GATA4: variants seen among roughly 807,000 people sequenced by gnomAD.
GATA4 encodes the protein transcription factor GATA-4.
In GATA4, 7 loss-of-function variants were observed where a neutral mutation model predicts 37.9. That is an observed-to-expected ratio of 0.18 (90% CI 0.11 to 0.35). The LOEUF is 0.35. Among genes scored for constraint, GATA4 ranks in the 10% least tolerant of loss-of-function variants. The pLI, the probability that GATA4 is intolerant of heterozygous loss-of-function variation, is 1.00. For synonymous variants in GATA4, 372 were observed against 292.6 expected (o/e 1.27, Z -2.77); for missense variants, 647 against 653.0 (o/e 0.99, Z 0.10).
intron 2 of GATA4, among the ~76,000 whole-genome samples, chr8:11,743,034 C>T (rs1319126202): frequency 6.6e-6 from 1 of 152,238 alleles, no homozygotes; most frequent in Non-Finnish European, 1.5e-5. Context: ...CCCTCTGGCC[C>T]CTCTTGTGTA....
At chr8:11,686,217 T>G (rs1207251962) in intron 1 of GATA4, among the ~76,000 whole-genome samples, 1 of 47,848 alleles carries the variant, frequency 2.1e-5, no homozygotes, top group African/African-American at 1.5e-4. Flanking sequence ...ACTGGGTCTG[T>G]TTTTTTTTTT....
intron 3 of GATA4, 73 bp from the exon 4 acceptor site, chr8:11,750,038 C>A: frequency 6.2e-7 from 1 of 1,609,402 alleles, no homozygotes; most frequent in Non-Finnish European, 8.5e-7. Flanking sequence ...CCCAGCTCCG[C>A]AGCCACACGC....
At position 11,681,504 on chromosome 8, in the gene GATA4, G is replaced by T. The variant is rs866954888; in HGVS notation, c.-274+4441G>T. On this transcript the variant is annotated intron_variant, in intron 1 of 6. Transcript: ENST00000528712. ...GGTGCGGCGCTCGCGGGGGGGGGGG[G>T]GGGGATGGGGTCGGTCCCTCTCGGG... 230 of 914,688 alleles carry T rather than the reference G, an allele frequency of 2.5e-4. 2 individuals carry two copies. Among genetic ancestry groups the T allele is most frequent in the Middle Eastern group, 5.8e-4 (1 of 1,734 alleles). 56.7% of individuals were successfully genotyped at this position (914,688 alleles called of 1,614,324 possible). A position where few individuals can be genotyped will look rare whatever the true frequency, so the allele number is the denominator to read the frequency against.
intron 2 of GATA4, among the ~76,000 whole-genome samples, chr8:11,737,034 T>G (rs1435933669): frequency 1.3e-5 from 2 of 152,072 alleles, no homozygotes; most frequent in East Asian, 3.8e-4. Flanking sequence ...GACTCCATAT[T>G]TCATGCAAAA....
chr8:11,724,690 T>G (rs574648698), intron 2 of GATA4, among the ~76,000 whole-genome samples: 1 of 152,052 alleles, frequency 6.6e-6, no homozygotes, highest in Non-Finnish European at 1.5e-5. Context: ...CATGAATAAA[T>G]AAGTGCCTTA....
intron 2 of GATA4, among the ~76,000 whole-genome samples, chr8:11,713,434 C>T (rs1442219892): frequency 6.6e-6 from 1 of 152,050 alleles, no homozygotes. Context: ...GGACTCTGCC[C>T]TGCCTGGGTC....
chr8:11,718,202 G>C (rs1337785581), intron 2 of GATA4, among the ~76,000 whole-genome samples: 1 of 152,224 alleles, frequency 6.6e-6, no homozygotes, highest in African/African-American at 2.4e-5. Context: ...CGTGGAATTG[G>C]TCTGAACTGA....
intron 1 of GATA4, chr8:11,683,116 G>T: frequency 2.0e-6 from 2 of 985,398 alleles, no homozygotes; most frequent in Non-Finnish European, 2.4e-6. Flanking sequence ...AAAGCTCTTG[G>T]TGTGGTGGCC....
At chr8:11,681,516 C>T in intron 1 of GATA4, 1 of 946,890 alleles carries the variant, frequency 1.1e-6, no homozygotes, top group Non-Finnish European at 1.3e-6. Context: ...GGGATGGGGT[C>T]GGTCCCTCTC....
At chr8:11,733,202 T>C (rs376380552) in intron 2 of GATA4, among the ~76,000 whole-genome samples, 1 of 152,128 alleles carries the variant, frequency 6.6e-6, no homozygotes, top group East Asian at 1.9e-4. Flanking sequence ...GTTGGCAGCA[T>C]TCTTTATTCC....
At chr8:11,678,039 TAATAATAATA>T (rs1426412716) in intron 1 of GATA4, among the ~76,000 whole-genome samples, 2 of 142,120 alleles carry the variant, frequency 1.4e-5, no homozygotes, top group Non-Finnish European at 3.0e-5. Flanking sequence ...ATAATAATAA[TAATAATAATA>T]ATAATAATAA....
chr8:11,716,431 G>T (rs1371115071), intron 2 of GATA4, among the ~76,000 whole-genome samples: 1 of 151,972 alleles, frequency 6.6e-6, no homozygotes, highest in Non-Finnish European at 1.5e-5. Flanking sequence ...AATTTTGGGG[G>T]TTTTCCTTTA....
chr8:11,708,165 C>T lies in GATA4; in HGVS notation c.-148C>T. 1.2e-6 allele frequency: 1 copy of T among 851,714 alleles called. No individual in the cohort carries two copies. The highest frequency in any genetic ancestry group is 1.9e-6 in the Non-Finnish European group (1 of 524,844). The allele number at this position is 851,714 out of a possible 1,614,324, so 52.8% of individuals were successfully genotyped here. ...GATTTAATACGTATATATTTTTAAGCGAGTTGGTTTTTTCCCCTTTGATTT... is the reference window on the plus strand; with the variant it reads ...GATTTAATACGTATATATTTTTAAGTGAGTTGGTTTTTTCCCCTTTGATTT... On this transcript the variant is annotated 5_prime_UTR_variant, in exon 2 of 7. Transcript: ENST00000532059. The surrounding 1 kb of genome is among the most constrained non-coding windows in gnomAD (Gnocchi z 6.7).
intron 1 of GATA4, chr8:11,706,145 A>G (rs1485137008): frequency 6.6e-6 from 1 of 152,262 alleles, no homozygotes; most frequent in Non-Finnish European, 1.5e-5. Flanking sequence ...ACTATTTGCC[A>G]AACCAATAAG....
At chr8:11,698,424 A>G (rs780757402) in intron 1 of GATA4, among the ~76,000 whole-genome samples, 2 of 152,100 alleles carry the variant, frequency 1.3e-5, no homozygotes, top group African/African-American at 2.4e-5. Flanking sequence ...GAGTGAGTGA[A>G]TGCATGAGTG....
At chr8:11,711,303 T>C (rs1233213765) in intron 2 of GATA4, among the ~76,000 whole-genome samples, 1 of 152,198 alleles carries the variant, frequency 6.6e-6, no homozygotes, top group Non-Finnish European at 1.5e-5. Context: ...CCGGATAGCT[T>C]ATGAAGTCCA....
At chr8:11,712,526 A>G (rs1210637691) in intron 2 of GATA4, among the ~76,000 whole-genome samples, 1 of 152,064 alleles carries the variant, frequency 6.6e-6, no homozygotes, top group East Asian at 1.9e-4. Context: ...TTTTAAAAAA[A>G]GAAATATTGA....
rs3729851 is a variant in GATA4, at chr8:11,755,333, G to A, written c.1000+200G>A. Among the ~76,000 whole-genome samples the A allele has an allele frequency of 0.093, 14,185 of 152,242 alleles. 911 individuals carry two copies. Among genetic ancestry groups the A allele is most frequent in the Non-Finnish European group, 0.14 (9,645 of 68,010 alleles). On this transcript the variant is annotated intron_variant, in intron 5 of 6. Coordinates refer to ENST00000532059, the MANE Select transcript of GATA4 (RefSeq NM_001308093.3). ...GCCATGGAACGTGTTGGGAGCTTTC[G>A]AAGCAGGCTCAACTCAAGCTGGGGC... is the stretch of plus-strand genomic sequence containing the variant.
In GATA4 at chr8:11,758,632, G is replaced by A. The variant is rs1051624585; in HGVS notation, c.*157G>A. The A allele has an allele frequency of 1.3e-5, 10 of 748,680 alleles. No homozygotes were observed. In the South Asian group the frequency reaches 1.5e-4, roughly 11 times the overall value. The allele number at this position is 748,680 out of a possible 1,614,324, so 46.4% of individuals were successfully genotyped here. On this transcript the variant is annotated 3_prime_UTR_variant, in exon 7 of 7. Coordinates refer to ENST00000532059, the MANE Select transcript of GATA4 (RefSeq NM_001308093.3). ...CTTGAAGTCGACAATCTGGTTAGGG[G>A]AAGCGGGTGTTGGATTTTCTCAGAT...
Sources: allele counts gnomAD v4.1 joint callset (sites outside exome capture counted in the v4.1 genomes callset), GRCh38; gene constraint gnomAD v4.1.1; non-coding constraint Gnocchi (gnomAD v3.1); transcripts MANE v1.5; gene names NCBI Gene and HGNC (gene_info 2026-07-23, HGNC 2026-07-21).